The following CTBS variants were observed in gnomAD, a reference collection of about 807,000 sequenced individuals.
CTBS encodes chitobiase.
In CTBS, 35 loss-of-function variants were observed where a neutral mutation model predicts 44.3. That is an observed-to-expected ratio of 0.79 (90% confidence interval 0.60 to 1.05). The LOEUF (loss-of-function observed/expected upper bound fraction) is 1.05, where lower values mean the gene tolerates loss of function less well. Ranked by LOEUF, CTBS falls within the 50% of genes least tolerant of loss-of-function variation. The pLI is 0.00. For missense variants in CTBS, 458 were observed against 475.3 expected, an observed-to-expected ratio of 0.96 and a Z score of 0.34; for synonymous variants, 143 against 168.0, an observed-to-expected ratio of 0.85 and a Z score of 1.15.
At chr1:84,573,214 A>G (rs1647368827) in intron 1 of CTBS, among the ~76,000 whole-genome samples, 1 of 152,206 alleles carries the variant, frequency 6.6e-6, no homozygotes. Context: ...ACCAAGTCAT[A>G]GCTAAATAAG....
Position 84,556,710 on chromosome 1 carries a change from CA to C in CTBS, c.958-1512del, listed in dbSNP as rs11417377. ...CTGGAGACAGAGCAAGACTCCGTCT[CA>C]AAAAAAAAAAAAAAAAAGACCACTT... On this transcript the variant is annotated intron_variant, in intron 6 of 6. Coordinates refer to ENST00000370630, the MANE Select transcript of CTBS (RefSeq NM_004388.3). 2.7e-3 allele frequency among the ~76,000 whole-genome samples: 254 copies of C among 93,488 alleles called. 1 individual carries two copies. The highest frequency in any genetic ancestry group is 7.7e-3 in the East Asian group (20 of 2,608). The allele number at this position is 93,488 out of a possible 152,430, so 61.3% of individuals were successfully genotyped here. A position where few individuals can be genotyped will look rare whatever the true frequency, so the allele number is the denominator to read the frequency against.
chr1:84,562,712 T>C (rs565430185), intron 6 of CTBS, among the ~76,000 whole-genome samples: 1 of 152,364 alleles, frequency 6.6e-6, no homozygotes, highest in South Asian at 2.1e-4. Context: ...AATCACTTAG[T>C]GTATTTCTTC....
At chr1:84,564,783 T>C (rs959950432) in intron 4 of CTBS, among the ~76,000 whole-genome samples, 3 of 152,198 alleles carry the variant, frequency 2.0e-5, no homozygotes, top group African/African-American at 4.8e-5. Context: ...CAATGGCTCA[T>C]GCCTGTAATT....
intron 1 of CTBS, among the ~76,000 whole-genome samples, chr1:84,571,557 CCTCA>C (rs1340811142): frequency 1.3e-5 from 2 of 152,176 alleles, no homozygotes; most frequent in Non-Finnish European, 2.9e-5. Flanking sequence ...AGCACAGAAG[CCTCA>C]CTGATTATTT....
In CTBS at chr1:84,574,350, T is replaced by C. The variant is rs201734152; in HGVS notation, c.66A>G (p.Leu22=). Residue 22 remains leucine (L), a synonymous_variant, in exon 1 of 7, where the codon CTA becomes CTG. Transcript: ENST00000370630. ...GCAGCGCCAGCAGCGCCAGCAGCGCTAGACCCGGGACGCCGCTCGGCGGGC... is the reference window on the plus strand; with the variant it reads ...GCAGCGCCAGCAGCGCCAGCAGCGCCAGACCCGGGACGCCGCTCGGCGGGC... ...VSSPPSGVPG[L]ALLALLALLA... 204 of 1,345,380 alleles carry C rather than the reference T, an allele frequency of 1.5e-4. No homozygotes were observed. The highest frequency in any genetic ancestry group is 9.1e-4 in the South Asian group (67 of 73,378). The allele number at this position is 1,345,380 out of a possible 1,614,324, so 83.3% of individuals were successfully genotyped here. A position where few individuals can be genotyped will look rare whatever the true frequency, so the allele number is the denominator to read the frequency against.
At chr1:84,574,051 G>GT (rs1361891156) in intron 1 of CTBS, 188 bp downstream of exon 1, 1 of 1,437,882 alleles carries the variant, frequency 7.0e-7, no homozygotes. Flanking sequence ...GGCCTGAGGA[G>GT]TTACTCAACT....
At chr1:84,573,399 C>A (rs1489439402) in intron 1 of CTBS, among the ~76,000 whole-genome samples, 1 of 152,194 alleles carries the variant, frequency 6.6e-6, no homozygotes. Flanking sequence ...TGAAGTCTTT[C>A]TTTTAATAAG....
intron 1 of CTBS, 183 bp downstream of exon 1, chr1:84,574,056 T>C: frequency 7.0e-7 from 1 of 1,438,284 alleles, no homozygotes. Context: ...GAGGAGTTAC[T>C]CAACTTCTCT....
chr1:84,558,456 AT>A, intron 6 of CTBS, among the ~76,000 whole-genome samples: 1 of 150,398 alleles, frequency 6.6e-6, no homozygotes, highest in Non-Finnish European at 1.5e-5. Context: ...CGCCCGGCTA[AT>A]TTTTTTTGTA....
Position 84,574,387 on chromosome 1 carries a change from C to A in CTBS, c.29G>T (p.Arg10Leu), listed in dbSNP as rs115347546. 0.21 allele frequency: 323,387 copies of A among 1,558,292 alleles called. 35,994 individuals are homozygous for A. Among genetic ancestry groups the A allele is most frequent in the South Asian group, 0.32 (27,163 of 85,378 alleles). ...GCCGCTCGGCGGGCTAGAGACGAGGCGCCAGCGTCGAAGCTGCGGCCGGGA... is the reference window on the plus strand; with the variant it reads ...GCCGCTCGGCGGGCTAGAGACGAGGAGCCAGCGTCGAAGCTGCGGCCGGGA... Reference protein sequence around the residue: MSRPQLRRWRLVSSPPSGVP... With the variant: MSRPQLRRWLLVSSPPSGVP... Residue 10 changes from arginine to leucine, a missense_variant, in exon 1 of 7, where the codon CGC becomes CTC. By Grantham distance (102) the Arg-to-Leu change is moderately radical (BLOSUM62 -2). Transcript: ENST00000370630.
At chr1:84,561,128 T>C (rs1293614373) in intron 6 of CTBS, among the ~76,000 whole-genome samples, 1 of 152,154 alleles carries the variant, frequency 6.6e-6, no homozygotes, top group Non-Finnish European at 1.5e-5. Flanking sequence ...ACTGAAAGCT[T>C]TTTGGAAAGG....
chr1:84,554,925 T>C lies in CTBS; in HGVS notation c.*74A>G. ...CGGATAACAAAAGTATATAGCAACATAATAAAAATGCAAGAAACTAGATCT... is the reference window on the plus strand; with the variant it reads ...CGGATAACAAAAGTATATAGCAACACAATAAAAATGCAAGAAACTAGATCT... On this transcript the variant is annotated 3_prime_UTR_variant, in exon 7 of 7. Transcript: ENST00000370630. The C allele has an allele frequency of 8.6e-7, 1 of 1,169,408 alleles. No individual in the cohort carries two copies. The highest frequency in any genetic ancestry group is 2.0e-4 in the Middle Eastern group (1 of 4,978). 72.4% of individuals were successfully genotyped at this position (1,169,408 alleles called of 1,614,324 possible).
chr1:84,550,651 T>C lies in CTBS; in HGVS notation c.*4348A>G. 3.1e-6 allele frequency: 4 copies of C among 1,274,388 alleles called. No individual in the cohort carries two copies. The highest frequency in any genetic ancestry group is 6.0e-5 in the South Asian group (2 of 33,278). The allele number at this position is 1,274,388 out of a possible 1,614,324, so 78.9% of individuals were successfully genotyped here. ...GCCAGGATTGACTGTATTAAAATTG[T>C]TACCTTAACAGTAAAGAGCATAGGT... On this transcript the variant is annotated 3_prime_UTR_variant, in exon 7 of 7. Transcript: ENST00000370630.
chr1:84,558,962 T>C (rs1684531652), intron 6 of CTBS, among the ~76,000 whole-genome samples: 1 of 152,130 alleles, frequency 6.6e-6, no homozygotes. Flanking sequence ...AAGCCACAGA[T>C]TACTAAGGTC....
chr1:84,567,312 C>T (rs775922475), intron 3 of CTBS, among the ~76,000 whole-genome samples: 4 of 152,098 alleles, frequency 2.6e-5, no homozygotes, highest in Non-Finnish European at 5.9e-5. Context: ...CCTCTTATTA[C>T]AAAATGAGAG....
In CTBS at chr1:84,550,532, T is replaced by C. The variant is rs1684238848; in HGVS notation, c.*4467A>G. The C allele has an allele frequency of 6.6e-7, 1 of 1,519,530 alleles. No individual in the cohort carries two copies. The highest frequency in any genetic ancestry group is 8.8e-7 in the Non-Finnish European group (1 of 1,131,894). The allele number at this position is 1,519,530 out of a possible 1,614,324, so 94.1% of individuals were successfully genotyped here. ...ATGAAACTCATAGTAGAAGTTAAGG[T>C]AATTTACATTTTTCCTAATCAGATT... On this transcript the variant is annotated 3_prime_UTR_variant, in exon 7 of 7. Transcript: ENST00000370630.
At position 84,555,181 on chromosome 1, in the gene CTBS, G is replaced by C. The variant is rs1323148480; in HGVS notation, c.976C>G (p.His326Asp). 2.5e-6 allele frequency: 4 copies of C among 1,613,248 alleles called. No individual in the cohort carries two copies. Among genetic ancestry groups the C allele is most frequent in the Non-Finnish European group, 3.4e-6 (4 of 1,179,416 alleles). Residue 326 changes from histidine to aspartate, a missense_variant, in exon 7 of 7, where the codon CAT becomes GAT. Transcript: ENST00000370630. ...TGAGGGTTATCATACCATACTTGAT[G>C]AAAGTGGCCAGCAGGATCCTATATA... Reference protein sequence around the residue: ...YNYKDPAGHFHQVWYDNPQSI... With the variant: ...YNYKDPAGHFDQVWYDNPQSI...
chr1:84,552,978 A>C lies in CTBS; in HGVS notation c.*2021T>G. 8.8e-7 allele frequency: 1 copy of C among 1,135,658 alleles called. No individual in the cohort carries two copies. The highest frequency in any genetic ancestry group is 2.7e-5 in the East Asian group (1 of 37,358). The allele number at this position is 1,135,658 out of a possible 1,614,324, so 70.3% of individuals were successfully genotyped here. ...AAACCCTGTTTACATGACAACTATGATGTACTTTTAGAAGGGTATGATGAA... is the reference window on the plus strand; with the variant it reads ...AAACCCTGTTTACATGACAACTATGCTGTACTTTTAGAAGGGTATGATGAA... On this transcript the variant is annotated 3_prime_UTR_variant, in exon 7 of 7. Coordinates refer to ENST00000370630, the MANE Select transcript of CTBS (RefSeq NM_004388.3).
rs1279413145 is a variant in CTBS, at chr1:84,561,569, G to T, written c.957+1688C>A. ...CAATTTTGAAAGAAGTTCTACTGTG[G>T]GTAAAATGCAATCAAATAGCATCAC... On this transcript the variant is annotated intron_variant, in intron 6 of 6. Coordinates refer to ENST00000370630, the MANE Select transcript of CTBS (RefSeq NM_004388.3). Among the ~76,000 whole-genome samples the T allele has an allele frequency of 3.9e-5, 6 of 152,116 alleles. No individual in the cohort carries two copies. The South Asian group carries it at 1.0e-3, about 26-fold the overall frequency.
Sources: gnomAD v4.1 joint callset for allele counts (sites outside exome capture counted in the v4.1 genomes callset) on GRCh38, gnomAD v4.1.1 for gene constraint, MANE v1.5 for transcripts, NCBI Gene and HGNC (gene_info 2026-07-23, HGNC 2026-07-21) for gene names.